Variants in MAP3K1 observed in about 807,000 individuals in gnomAD.
MAP3K1 encodes mitogen-activated protein kinase kinase kinase 1.
Under a neutral mutation model 144.2 loss-of-function variants are expected in MAP3K1, and 36 were observed. The observed-to-expected ratio is 0.25, with a 90% CI of 0.19 to 0.33. The LOEUF (loss-of-function observed/expected upper bound fraction) is 0.33, where lower values mean the gene tolerates loss of function less well. Among genes scored for constraint, MAP3K1 ranks in the 10% least tolerant of loss-of-function variants. MAP3K1 has a pLI of 1.00. For synonymous variants in MAP3K1, 718 were observed against 688.7 expected, an observed-to-expected ratio of 1.04 and a Z score of -0.67; for missense variants, 1,650 against 1,881.9, an observed-to-expected ratio of 0.88 and a Z score of 2.28.
At position 56,864,938 on chromosome 5, in the gene MAP3K1, G is replaced by C; in HGVS notation, c.1035+4G>C. ...CCGGGTGTTTATTGGGCCTCAGGTA[G>C]GATTCGTCACCATTTTATACTTTAT... On this transcript the variant is annotated splice_donor_region_variant and intron_variant, in intron 4 of 19. Transcript: ENST00000399503. 1 of 1,613,740 alleles carries C rather than the reference G, an allele frequency of 6.2e-7. No individual in the cohort carries two copies. The highest frequency in any genetic ancestry group is 8.5e-7 in the Non-Finnish European group (1 of 1,179,822).
Position 56,859,704 on chromosome 5 carries a change from C to A in MAP3K1, c.634-11C>A. The A allele has an allele frequency of 6.3e-7, 1 of 1,594,024 alleles. No homozygotes were observed. Among genetic ancestry groups the A allele is most frequent in the Non-Finnish European group, 8.6e-7 (1 of 1,162,374 alleles). ...TTTAAGTAATCAAAATATTGGAATA[C>A]TTTGATTCAGGTGGTAAAACCAATC... On this transcript the variant is annotated splice_polypyrimidine_tract_variant and intron_variant, in intron 2 of 19. Transcript: ENST00000399503.
intron 3 of MAP3K1, among the ~76,000 whole-genome samples, chr5:56,861,427 C>T (rs1426783619): frequency 6.6e-6 from 1 of 151,862 alleles, no homozygotes; most frequent in Admixed American, 6.6e-5. Context: ...CAAAAATTAG[C>T]CAGGCGTGGT....
At chr5:56,872,542 G>T (rs565431466) in intron 7 of MAP3K1, 99 bp from the exon 8 acceptor site, 16 of 740,044 alleles carry the variant, frequency 2.2e-5, no homozygotes, top group East Asian at 2.2e-4. Context: ...TATTTTTGAG[G>T]TTCCTTCTAT....
At chr5:56,846,002 G>T (rs941299456) in intron 1 of MAP3K1, among the ~76,000 whole-genome samples, 5 of 152,208 alleles carry the variant, frequency 3.3e-5, no homozygotes, top group African/African-American at 1.2e-4. Flanking sequence ...TTACAAAGCT[G>T]ATTACTCTGA....
chr5:56,825,821 C>T (rs73135003), intron 1 of MAP3K1, among the ~76,000 whole-genome samples: 1 of 152,110 alleles, frequency 6.6e-6, no homozygotes, highest in Non-Finnish European at 1.5e-5. Context: ...CTTTTCTTCA[C>T]CCTCAGAATG....
chr5:56,847,685 C>G (rs1747040523), intron 1 of MAP3K1, among the ~76,000 whole-genome samples: 1 of 152,168 alleles, frequency 6.6e-6, no homozygotes, highest in South Asian at 2.1e-4. Context: ...AGAAAGATGC[C>G]TTTTAATCAT....
chr5:56,822,497 C>CT (rs1280578209), intron 1 of MAP3K1, among the ~76,000 whole-genome samples: 1 of 152,176 alleles, frequency 6.6e-6, no homozygotes, highest in Non-Finnish European at 1.5e-5. Context: ...TTGAAAGTGT[C>CT]TAATTATTTG....
At chr5:56,843,903 C>T (rs1357808836) in intron 1 of MAP3K1, among the ~76,000 whole-genome samples, 4 of 152,106 alleles carry the variant, frequency 2.6e-5, no homozygotes, top group Non-Finnish European at 4.4e-5. Flanking sequence ...TTACTGGAGC[C>T]AGAGGGTCTG....
chr5:56,859,932 A>G lies in MAP3K1; in HGVS notation c.834+17A>G. On this transcript the variant is annotated intron_variant, in intron 3 of 19. Coordinates refer to ENST00000399503, the MANE Select transcript of MAP3K1 (RefSeq NM_005921.2). ...CCAGTGCCTGTAAGTTAATGTTACA[A>G]CAAATATGTTAGTTTTTATAATTTT... is the stretch of plus-strand genomic sequence containing the variant. 2 of 1,575,424 alleles carry G rather than the reference A, an allele frequency of 1.3e-6. No individual in the cohort carries two copies. Among genetic ancestry groups the G allele is most frequent in the Non-Finnish European group, 1.7e-6 (2 of 1,150,656 alleles).
intron 12 of MAP3K1, 27 bp downstream of exon 12, chr5:56,880,829 A>G (rs1748182748): frequency 6.5e-7 from 1 of 1,548,566 alleles, no homozygotes; most frequent in Non-Finnish European, 8.9e-7. Context: ...TAAAAGGAAT[A>G]TAGCATATTT....
intron 1 of MAP3K1, among the ~76,000 whole-genome samples, chr5:56,824,557 A>G (rs1746252231): frequency 6.6e-6 from 1 of 152,228 alleles, no homozygotes; most frequent in South Asian, 2.1e-4. Flanking sequence ...GGGGCCACCT[A>G]GCATTGGTAC....
chr5:56,841,272 C>T (rs1044431606), intron 1 of MAP3K1, among the ~76,000 whole-genome samples: 156 of 151,704 alleles, frequency 1.0e-3, no homozygotes, highest in Non-Finnish European at 3.8e-4. Flanking sequence ...GTGCTCTCTA[C>T]TTTCTCGAAT....
chr5:56,821,445 C>A (rs1235911255), intron 1 of MAP3K1, among the ~76,000 whole-genome samples: 1 of 152,158 alleles, frequency 6.6e-6, no homozygotes, highest in African/African-American at 2.4e-5. Flanking sequence ...GTAGTTAGTA[C>A]GTTAACTAAG....
chr5:56,839,851 A>T (rs1245599598), intron 1 of MAP3K1, among the ~76,000 whole-genome samples: 1 of 152,188 alleles, frequency 6.6e-6, no homozygotes, highest in Non-Finnish European at 1.5e-5. Flanking sequence ...AATTGTTGGG[A>T]CAGGCTCTGG....
chr5:56,878,319 G>T (rs1400911887), intron 10 of MAP3K1, among the ~76,000 whole-genome samples: 2 of 152,050 alleles, frequency 1.3e-5, no homozygotes, highest in African/African-American at 4.8e-5. Flanking sequence ...GGAGGTAGAG[G>T]AGGGATAGCA....
chr5:56,877,557 T>C (rs1748079005), intron 10 of MAP3K1, among the ~76,000 whole-genome samples: 1 of 151,892 alleles, frequency 6.6e-6, no homozygotes, highest in Admixed American at 6.6e-5. Context: ...TTTGAGAGTT[T>C]TTTGCAGCAT....
At chr5:56,893,317 A>G (rs916648834) in intron 19 of MAP3K1, among the ~76,000 whole-genome samples, 1 of 152,236 alleles carries the variant, frequency 6.6e-6, no homozygotes, top group Non-Finnish European at 1.5e-5. Context: ...ATCAAATCCT[A>G]AAATCCTAAA....
intron 3 of MAP3K1, among the ~76,000 whole-genome samples, chr5:56,861,388 G>A (rs573948077): frequency 1.6e-4 from 24 of 151,810 alleles, no homozygotes; most frequent in African/African-American, 2.4e-4. Context: ...CCTGGCCAAC[G>A]TGGTGAAACC....
chr5:56,837,090 C>T (rs1473903523), intron 1 of MAP3K1, among the ~76,000 whole-genome samples: 3 of 152,048 alleles, frequency 2.0e-5, no homozygotes, highest in South Asian at 2.1e-4. Flanking sequence ...AATTTGGATT[C>T]GGAATTCCAG....
Sources: gnomAD v4.1 joint callset for allele counts (sites outside exome capture counted in the v4.1 genomes callset) on GRCh38, gnomAD v4.1.1 for gene constraint, MANE v1.5 for transcripts, NCBI Gene and HGNC (gene_info 2026-07-23, HGNC 2026-07-21) for gene names.